Variants in MAN1C1 observed in about 807,000 individuals in gnomAD.
MAN1C1 encodes mannosidase alpha class 1C member 1.
MAN1C1 carries 49 observed loss-of-function variants against 71.5 expected under a neutral mutation model. That is an observed-to-expected ratio of 0.69 (90% CI 0.54 to 0.87). MAN1C1 has a LOEUF of 0.87. Among genes scored for constraint, MAN1C1 ranks in the 40% least tolerant of loss-of-function variants. The pLI is 0.00. For synonymous variants in MAN1C1, 352 were observed against 343.7 expected (o/e 1.02, Z -0.27); for missense variants, 743 against 835.0 (o/e 0.89, Z 1.36).
chr1:25,718,730 T>G (rs1278128369), intron 2 of MAN1C1, among the ~76,000 whole-genome samples: 2 of 152,228 alleles, frequency 1.3e-5, no homozygotes, highest in African/African-American at 4.8e-5. Flanking sequence ...ATAAGTTTTT[T>G]AAGGTTCATC....
At chr1:25,653,669 C>G (rs1051838378) in intron 1 of MAN1C1, among the ~76,000 whole-genome samples, 1 of 152,204 alleles carries the variant, frequency 6.6e-6, no homozygotes, top group South Asian at 2.1e-4. Flanking sequence ...TTCCCCAGAA[C>G]GAGGCTGCTG....
At chr1:25,763,615 G>C (rs1487406275) in intron 6 of MAN1C1, 7 of 470,314 alleles carry the variant, frequency 1.5e-5, no homozygotes, top group African/African-American at 1.4e-4. Flanking sequence ...CTGGGGTTGA[G>C]ACTGTCCAGG....
At chr1:25,761,507 A>G (rs1177947649) in intron 6 of MAN1C1, 1 of 151,868 alleles carries the variant, frequency 6.6e-6, no homozygotes, top group African/African-American at 2.4e-5. Context: ...TACAGTCATC[A>G]TGTCTTATAC....
At chr1:25,686,003 G>A (rs910809383) in intron 1 of MAN1C1, among the ~76,000 whole-genome samples, 16 of 152,334 alleles carry the variant, frequency 1.1e-4, no homozygotes, top group African/African-American at 3.4e-4. Flanking sequence ...GTTACCTCAT[G>A]TCTACAACCC....
rs1471638386 is a variant in MAN1C1, at chr1:25,643,587, T to A, written c.540+25250T>A. ...CGCCTGGCCTTTTATATATATATAT[T>A]TATTATTATTATTATTATTATTATT... On this transcript the variant is annotated intron_variant, in intron 1 of 11. Transcript: ENST00000374332. Among the ~76,000 whole-genome samples the A allele has an allele frequency of 3.6e-5, 4 of 112,348 alleles. No homozygotes were observed. In the East Asian group the frequency reaches 8.8e-4, roughly 25 times the overall value. The allele number at this position is 112,348 out of a possible 152,430, so 73.7% of individuals were successfully genotyped here. A position where few individuals can be genotyped will look rare whatever the true frequency, so the allele number is the denominator to read the frequency against.
At chr1:25,765,265 G>A (rs1189947691) in intron 7 of MAN1C1, among the ~76,000 whole-genome samples, 1 of 152,138 alleles carries the variant, frequency 6.6e-6, no homozygotes, top group African/African-American at 2.4e-5. Context: ...AGTCCCCCAG[G>A]CCTCTGGAAT....
At chr1:25,665,992 A>C (rs369271734) in intron 1 of MAN1C1, among the ~76,000 whole-genome samples, 12 of 151,418 alleles carry the variant, frequency 7.9e-5, no homozygotes, top group Non-Finnish European at 1.5e-4. Context: ...TACATTCCAC[A>C]TTGTTCATGC....
intron 4 of MAN1C1, among the ~76,000 whole-genome samples, chr1:25,749,607 G>A (rs2047187714): frequency 6.6e-6 from 1 of 152,172 alleles, no homozygotes; most frequent in Non-Finnish European, 1.5e-5. Context: ...GCGGCAGCAA[G>A]AGGAGAATGG....
Position 25,617,566 on chromosome 1 carries a change from C to T in MAN1C1, c.-232C>T, listed in dbSNP as rs1349456841. On this transcript the variant is annotated 5_prime_UTR_variant, in exon 1 of 12. Transcript: ENST00000374332. The surrounding 1 kb of genome is among the most constrained non-coding windows in gnomAD (Gnocchi z 5.1). ...GCCCGGGCCCCAAGCCGTGCCGCTC[C>T]GCTCGCCCGGGCCCCGCCGAGGCCG... 4 of 349,870 alleles carry T rather than the reference C, an allele frequency of 1.1e-5. No homozygotes were observed. Among genetic ancestry groups the T allele is most frequent in the African/African-American group, 6.7e-5 (3 of 44,652 alleles). 21.7% of individuals were successfully genotyped at this position (349,870 alleles called of 1,614,324 possible). A position where few individuals can be genotyped will look rare whatever the true frequency, so the allele number is the denominator to read the frequency against.
intron 1 of MAN1C1, among the ~76,000 whole-genome samples, chr1:25,632,313 C>T (rs964673151): frequency 6.6e-6 from 1 of 152,100 alleles, no homozygotes; most frequent in Non-Finnish European, 1.5e-5. Flanking sequence ...GTAGTAGTCA[C>T]GAATAATCTT....
Position 25,617,007 on chromosome 1 carries a change from C to G in MAN1C1, c.-791C>G, listed in dbSNP as rs562248378. On this transcript the variant is annotated 5_prime_UTR_variant, in exon 1 of 12. Transcript: ENST00000374332. This position sits in a 1 kb window ranked among gnomAD's most constrained non-coding sequence, Gnocchi z 5.1. ...TCCCAGTGGGAGCCCCGCGCCCTGC[C>G]GAGTTCGAGGGGCGGGAGCCCGCGC... Among the ~76,000 whole-genome samples the G allele has an allele frequency of 1.3e-5, 2 of 151,672 alleles. No homozygotes were observed. Among genetic ancestry groups the G allele is most frequent in the Non-Finnish European group, 2.9e-5 (2 of 67,852 alleles).
At position 25,711,482 on chromosome 1, in the gene MAN1C1, C is replaced by T. The variant is rs115783729; in HGVS notation, c.637+24946C>T. 6.6e-6 allele frequency among the ~76,000 whole-genome samples: 1 copy of T among 152,196 alleles called. No individual in the cohort carries two copies. The highest frequency in any genetic ancestry group is 2.4e-5 in the African/African-American group (1 of 41,450). ...TCTCCTCAGGCCAAAGCTGGACATGCCTTTCCTGGGTTTGAGATAAATGGA... is the reference window on the plus strand; with the variant it reads ...TCTCCTCAGGCCAAAGCTGGACATGTCTTTCCTGGGTTTGAGATAAATGGA... On this transcript the variant is annotated intron_variant, in intron 2 of 11. Transcript: ENST00000374332. This position sits in a 1 kb window ranked among gnomAD's most constrained non-coding sequence, Gnocchi z 4.3.
intron 2 of MAN1C1, among the ~76,000 whole-genome samples, chr1:25,733,838 C>T (rs1213487914): frequency 7.9e-5 from 12 of 151,584 alleles, no homozygotes; most frequent in African/African-American, 2.4e-4. Flanking sequence ...CTTTCTCTGT[C>T]GCCCAGGCTG....
At chr1:25,750,813 G>A (rs1445307788) in intron 4 of MAN1C1, among the ~76,000 whole-genome samples, 1 of 152,186 alleles carries the variant, frequency 6.6e-6, no homozygotes, top group Non-Finnish European at 1.5e-5. Flanking sequence ...GTTCTTCAGG[G>A]CATATGCCCA....
chr1:25,666,369 C>G (rs1329946633), intron 1 of MAN1C1, among the ~76,000 whole-genome samples: 2 of 152,202 alleles, frequency 1.3e-5, no homozygotes, highest in Non-Finnish European at 2.9e-5. Flanking sequence ...TAATGAGCCT[C>G]ATCTTTTTAC....
In MAN1C1 at chr1:25,676,920, G is replaced by A. The variant is rs541974785; in HGVS notation, c.541-9520G>A. Among the ~76,000 whole-genome samples the A allele has an allele frequency of 2.6e-5, 4 of 152,198 alleles. No homozygotes were observed. The East Asian group carries it at 7.7e-4, about 29-fold the overall frequency. ...CACAAACTTTGGAGTTTTCCACTCT[G>A]GGAGTGGTCTGCTGGCACCCACGTG... On this transcript the variant is annotated intron_variant, in intron 1 of 11. Coordinates refer to ENST00000374332, the MANE Select transcript of MAN1C1 (RefSeq NM_020379.4).
chr1:25,751,735 G>A (rs554267714), intron 4 of MAN1C1, among the ~76,000 whole-genome samples: 40 of 152,300 alleles, frequency 2.6e-4, no homozygotes, highest in South Asian at 2.1e-4. Flanking sequence ...TGTTATCACC[G>A]ATTTGCAGAT....
chr1:25,763,370 T>G (rs187121244), intron 6 of MAN1C1, among the ~76,000 whole-genome samples: 12 of 151,336 alleles, frequency 7.9e-5, no homozygotes, highest in African/African-American at 2.9e-4. Flanking sequence ...AGGCCTGTAA[T>G]CTCAGCTACT....
chr1:25,649,315 G>A (rs962619725), intron 1 of MAN1C1, among the ~76,000 whole-genome samples: 1 of 152,222 alleles, frequency 6.6e-6, no homozygotes, highest in Non-Finnish European at 1.5e-5. Context: ...TGATGTGACA[G>A]CATATAGAGC....
Sources: allele counts gnomAD v4.1 joint callset (sites outside exome capture counted in the v4.1 genomes callset), GRCh38; gene constraint gnomAD v4.1.1; non-coding constraint Gnocchi (gnomAD v3.1); transcripts MANE v1.5; gene names NCBI Gene and HGNC (gene_info 2026-07-23, HGNC 2026-07-21).